A1CF: variants seen among roughly 807,000 people sequenced by gnomAD.
The protein encoded by A1CF is APOBEC1 complementation factor, also known as APOBEC-1 stimulating protein.
A1CF carries 48 observed loss-of-function variants against 68.9 expected under a neutral mutation model. The ratio of observed to expected loss-of-function variants is 0.70; its 90% CI spans 0.55 to 0.89. A1CF has a LOEUF of 0.89. Among genes scored for constraint, A1CF ranks in the 40% least tolerant of loss-of-function variants. The pLI is 0.00. For synonymous variants in A1CF, 272 were observed against 260.4 expected, an observed-to-expected ratio of 1.04 and a Z score of -0.43; for missense variants, 653 against 718.9, an observed-to-expected ratio of 0.91 and a Z score of 1.05.
chr10:50,828,961 A>G (rs575715292), intron 6 of A1CF, among the ~76,000 whole-genome samples: 1 of 152,266 alleles, frequency 6.6e-6, no homozygotes, highest in South Asian at 2.1e-4. Flanking sequence ...CAAGCAATGG[A>G]AGAGTCTATA....
chr10:50,809,179 G>C (rs1195785663), intron 12 of A1CF, among the ~76,000 whole-genome samples: 2 of 152,166 alleles, frequency 1.3e-5, no homozygotes, highest in African/African-American at 2.4e-5. Context: ...TGAAGGCATT[G>C]TTGATCCACG....
intron 1 of A1CF, among the ~76,000 whole-genome samples, chr10:50,881,930 A>G (rs555852921): frequency 2.0e-5 from 3 of 152,372 alleles, no homozygotes; most frequent in Non-Finnish European, 2.9e-5. Context: ...ACATATATGC[A>G]TAAAACTCCA....
chr10:50,875,413 A>G (rs942765574), intron 1 of A1CF, among the ~76,000 whole-genome samples: 4 of 152,300 alleles, frequency 2.6e-5, no homozygotes, highest in Admixed American at 1.3e-4. Context: ...GTGTGGTTCT[A>G]TGTACGGAAA....
chr10:50,811,239 T>C lies in A1CF; in HGVS notation c.1324-63A>G, dbSNP rs1266210765. On this transcript the variant is annotated intron_variant, in intron 10 of 12. Transcript: ENST00000373997. ...CACATTCACATTATTTCCCAAGTTTTCAGGTTTTTAAACTCTAATTTTCAG... is the reference window on the plus strand; with the variant it reads ...CACATTCACATTATTTCCCAAGTTTCCAGGTTTTTAAACTCTAATTTTCAG... The C allele has an allele frequency of 2.0e-6, 3 of 1,522,036 alleles. No individual in the cohort carries two copies. In the African/African-American group the frequency reaches 4.2e-5, roughly 21 times the overall value. The allele number at this position is 1,522,036 out of a possible 1,614,324, so 94.3% of individuals were successfully genotyped here.
intron 1 of A1CF, among the ~76,000 whole-genome samples, chr10:50,878,165 A>G (rs61856594): frequency 0.22 from 32,840 of 152,156 alleles, 4,346 homozygotes; most frequent in South Asian, 0.32. Flanking sequence ...CCAGAGAATC[A>G]GGGAGAGACT....
At chr10:50,839,015 C>A (rs1839650968) in intron 5 of A1CF, among the ~76,000 whole-genome samples, 1 of 152,102 alleles carries the variant, frequency 6.6e-6, no homozygotes, top group African/African-American at 2.4e-5. Context: ...TCATAGAGCA[C>A]CTAGTATGTG....
intron 7 of A1CF, among the ~76,000 whole-genome samples, chr10:50,822,409 A>G (rs1838719369): frequency 6.6e-6 from 1 of 152,292 alleles, no homozygotes; most frequent in Admixed American, 6.5e-5. Flanking sequence ...CAGGGAAAAG[A>G]AGAGGGGGAA....
intron 1 of A1CF, among the ~76,000 whole-genome samples, chr10:50,868,641 A>G (rs1841107569): frequency 6.6e-6 from 1 of 152,190 alleles, no homozygotes; most frequent in Admixed American, 6.5e-5. Context: ...AAGCCAAGAC[A>G]AGGCTTAAAT....
intron 3 of A1CF, among the ~76,000 whole-genome samples, chr10:50,849,555 A>C (rs1840140284): frequency 6.6e-6 from 1 of 152,234 alleles, no homozygotes; most frequent in African/African-American, 2.4e-5. Context: ...GAACATTATC[A>C]AATATTAATT....
At chr10:50,858,683 A>G (rs1840599522) in intron 3 of A1CF, among the ~76,000 whole-genome samples, 1 of 152,126 alleles carries the variant, frequency 6.6e-6, no homozygotes, top group African/African-American at 2.4e-5. Context: ...AAGATTCAAA[A>G]ACATTCTTGA....
intron 7 of A1CF, among the ~76,000 whole-genome samples, chr10:50,826,481 A>T (rs1189180131): frequency 6.6e-6 from 1 of 152,210 alleles, no homozygotes; most frequent in African/African-American, 2.4e-5. Context: ...AATATTCAAC[A>T]TTCTTAAAGA....
chr10:50,847,186 T>C (rs1016731194), intron 3 of A1CF, among the ~76,000 whole-genome samples: 1 of 152,188 alleles, frequency 6.6e-6, no homozygotes, highest in Admixed American at 6.5e-5. Context: ...ACTAAAAGAA[T>C]ATAGATTTTT....
intron 10 of A1CF, among the ~76,000 whole-genome samples, chr10:50,811,574 G>T (rs2132319487): frequency 6.6e-6 from 1 of 152,310 alleles, no homozygotes; most frequent in Admixed American, 6.5e-5. Flanking sequence ...GTTTAGAGAT[G>T]ATAGCCTAAG....
intron 7 of A1CF, among the ~76,000 whole-genome samples, chr10:50,826,206 T>A (rs1460359345): frequency 2.6e-5 from 4 of 152,092 alleles, no homozygotes; most frequent in African/African-American, 9.7e-5. Context: ...AAATTTATAG[T>A]TTAGTGAAGA....
chr10:50,862,867 A>G (rs945073501), intron 2 of A1CF: 2 of 152,196 alleles, frequency 1.3e-5, no homozygotes, highest in Non-Finnish European at 2.9e-5. Context: ...GTCTGATGGG[A>G]TTATTTACGT....
intron 3 of A1CF, among the ~76,000 whole-genome samples, chr10:50,847,347 C>T (rs1840048265): frequency 6.6e-6 from 1 of 152,136 alleles, no homozygotes; most frequent in African/African-American, 2.4e-5. Context: ...AACTATAAAT[C>T]CAGTGGCTTT....
At chr10:50,817,562 C>A (rs1838429977) in intron 8 of A1CF, among the ~76,000 whole-genome samples, 1 of 152,160 alleles carries the variant, frequency 6.6e-6, no homozygotes, top group Non-Finnish European at 1.5e-5. Flanking sequence ...TGATATTCAA[C>A]AATCTTATAT....
intron 6 of A1CF, among the ~76,000 whole-genome samples, chr10:50,834,172 G>T (rs897944531): frequency 6.6e-6 from 1 of 152,100 alleles, no homozygotes; most frequent in Non-Finnish European, 1.5e-5. Flanking sequence ...AGCTTCTCTG[G>T]GATTACTGGA....
At chr10:50,841,777 T>A (rs542980758) in intron 5 of A1CF, 85 bp downstream of exon 5, 1 of 1,514,534 alleles carries the variant, frequency 6.6e-7, no homozygotes, top group Admixed American at 2.2e-5. Context: ...TTTTTTGGCA[T>A]ACACCATATT....
Sources: allele counts gnomAD v4.1 joint callset (sites outside exome capture counted in the v4.1 genomes callset), GRCh38; gene constraint gnomAD v4.1.1; transcripts MANE v1.5; gene names NCBI Gene and HGNC (gene_info 2026-07-23, HGNC 2026-07-21).